DNER: variants seen among roughly 807,000 people sequenced by gnomAD.
The protein encoded by DNER is delta/notch like EGF repeat containing, also known as delta and Notch-like epidermal growth factor-related receptor.
In DNER, 33 loss-of-function variants were observed where a neutral mutation model predicts 78.2. That is an observed-to-expected ratio of 0.42 (90% CI 0.32 to 0.56). The LOEUF (loss-of-function observed/expected upper bound fraction) is 0.56, where lower values mean the gene tolerates loss of function less well. DNER is among the 20% of genes least tolerant of loss of function. The probability of loss-of-function intolerance (pLI) is 0.11; values close to 1 mark genes in which losing one functional copy is unlikely to be tolerated. For synonymous variants in DNER, 417 were observed against 384.8 expected (o/e 1.08, Z -0.98); for missense variants, 918 against 975.3 (o/e 0.94, Z 0.78).
At chr2:229,386,639 A>C (rs1692872576) in intron 11 of DNER, among the ~76,000 whole-genome samples, 1 of 152,052 alleles carries the variant, frequency 6.6e-6, no homozygotes, top group East Asian at 1.9e-4. Context: ...AAAAAAACAA[A>C]CAACCACATC....
At chr2:229,701,480 A>G (rs181938912) in intron 1 of DNER, among the ~76,000 whole-genome samples, 51 of 152,356 alleles carry the variant, frequency 3.3e-4, no homozygotes, top group African/African-American at 1.2e-3. Context: ...TGAAATTCCA[A>G]TTTAACTGTG....
intron 9 of DNER, among the ~76,000 whole-genome samples, chr2:229,417,590 A>T (rs1693679610): frequency 6.6e-6 from 1 of 151,664 alleles, no homozygotes; most frequent in South Asian, 2.1e-4. Flanking sequence ...TCTCGGGGGG[A>T]TTTAGTGAGC....
At chr2:229,533,963 T>G (rs1055218972) in intron 5 of DNER, among the ~76,000 whole-genome samples, 2 of 152,234 alleles carry the variant, frequency 1.3e-5, no homozygotes, top group East Asian at 1.9e-4. Flanking sequence ...TAAAATGAAA[T>G]GCATCAACAT....
At chr2:229,564,429 T>TCATCATCATCCTCATCCCATCAC (rs1697056036) in intron 4 of DNER, among the ~76,000 whole-genome samples, 2 of 145,774 alleles carry the variant, frequency 1.4e-5, no homozygotes, top group Non-Finnish European at 3.0e-5. Context: ...ATCACCATCA[T>TCATCATCATCCTCATCCCATCAC]CATCATCATC....
rs1377229421 is a variant in DNER at position 229,358,379 on chromosome 2, A to G, written c.*161T>C. 1 of 601,952 alleles carries G rather than the reference A, an allele frequency of 1.7e-6. No homozygotes were observed. The highest frequency in any genetic ancestry group is 2.7e-6 in the Non-Finnish European group (1 of 370,734). 37.3% of individuals were successfully genotyped at this position (601,952 alleles called of 1,614,324 possible). A position where few individuals can be genotyped will look rare whatever the true frequency, so the allele number is the denominator to read the frequency against. On this transcript the variant is annotated 3_prime_UTR_variant, in exon 13 of 13. Coordinates refer to ENST00000341772, the MANE Select transcript of DNER (RefSeq NM_139072.4). ...AGGTTTCACAAATTTTGTTTTTAAA[A>G]TATTTTTTCCAAACTAAAAGCTGCA...
At chr2:229,502,549 T>C (rs995053851) in intron 6 of DNER, among the ~76,000 whole-genome samples, 8 of 152,130 alleles carry the variant, frequency 5.3e-5, no homozygotes, top group Admixed American at 1.3e-4. Flanking sequence ...GAGCTACAAA[T>C]AGGTCTTGAC....
At chr2:229,681,377 G>A (rs564856563) in intron 1 of DNER, among the ~76,000 whole-genome samples, 1 of 152,282 alleles carries the variant, frequency 6.6e-6, no homozygotes, top group East Asian at 1.9e-4. Context: ...TGGACTGGAT[G>A]CACCTGGAAA....
At chr2:229,367,895 T>C (rs1044144609) in intron 11 of DNER, among the ~76,000 whole-genome samples, 1 of 152,222 alleles carries the variant, frequency 6.6e-6, no homozygotes, top group African/African-American at 2.4e-5. Context: ...GCATAAAGCC[T>C]TATGTGTGAA....
intron 6 of DNER, among the ~76,000 whole-genome samples, chr2:229,506,674 C>T (rs1454814064): frequency 6.7e-6 from 1 of 149,558 alleles, no homozygotes; most frequent in Non-Finnish European, 1.5e-5. Flanking sequence ...CCCCCCTCCC[C>T]CTACCCCACC....
At chr2:229,440,573 T>C (rs1021287951) in intron 8 of DNER, among the ~76,000 whole-genome samples, 20 of 152,336 alleles carry the variant, frequency 1.3e-4, no homozygotes, top group African/African-American at 4.6e-4. Context: ...CCTATCTTGA[T>C]GGCTTCCATG....
At chr2:229,656,882 G>A (rs73095334) in intron 1 of DNER, among the ~76,000 whole-genome samples, 1,875 of 151,990 alleles carry the variant, frequency 0.012, 35 homozygotes, top group African/African-American at 0.042. Context: ...AATTAAAATT[G>A]TATATATTTG....
chr2:229,613,413 A>C (rs1698086905), intron 1 of DNER, among the ~76,000 whole-genome samples: 1 of 152,252 alleles, frequency 6.6e-6, no homozygotes, highest in African/African-American at 2.4e-5. Context: ...TGCATTGCGT[A>C]GAAAATAAAA....
chr2:229,622,481 G>C (rs1226960572), intron 1 of DNER, among the ~76,000 whole-genome samples: 1 of 151,956 alleles, frequency 6.6e-6, no homozygotes. Context: ...TCTGCCCTGC[G>C]GGTCTTTGAA....
chr2:229,592,774 T>G (rs1228561669), intron 1 of DNER, among the ~76,000 whole-genome samples: 1 of 152,218 alleles, frequency 6.6e-6, no homozygotes, highest in Non-Finnish European at 1.5e-5. Context: ...AATTAGGATT[T>G]GTTTCTGTGA....
intron 1 of DNER, among the ~76,000 whole-genome samples, chr2:229,638,167 A>ACAATCCTAG (rs1474463227): frequency 6.6e-6 from 1 of 152,228 alleles, no homozygotes; most frequent in African/African-American, 2.4e-5. Context: ...AATCCTAGTC[A>ACAATCCTAG]CAATCCTAGC....
In DNER at chr2:229,525,684, C is replaced by A. The variant is rs1044000679; in HGVS notation, c.994-12748G>T. On this transcript the variant is annotated intron_variant, in intron 5 of 12. Transcript: ENST00000341772. ...CGGGAGTGCAATGGCGTGAACTCGG[C>A]TCACTGCAACCTCCACCTGCCAGGT... Among the ~76,000 whole-genome samples, 98 of 152,292 alleles carry A rather than the reference C, an allele frequency of 6.4e-4. 1 individual carries two copies. The highest frequency in any genetic ancestry group is 1.0e-3 in the Non-Finnish European group (68 of 68,018).
intron 1 of DNER, among the ~76,000 whole-genome samples, chr2:229,674,834 C>G (rs1160902191): frequency 1.3e-5 from 2 of 152,160 alleles, no homozygotes; most frequent in Non-Finnish European, 2.9e-5. Flanking sequence ...TGAAGGAGAG[C>G]CTGTTTCCAA....
intron 5 of DNER, among the ~76,000 whole-genome samples, chr2:229,524,144 A>G (rs1026513773): frequency 1.3e-5 from 2 of 152,244 alleles, no homozygotes; most frequent in African/African-American, 4.8e-5. Flanking sequence ...GAATCCAGCT[A>G]GTCTGATGGC....
At chr2:229,376,589 G>T (rs1692606539) in intron 11 of DNER, among the ~76,000 whole-genome samples, 1 of 152,190 alleles carries the variant, frequency 6.6e-6, no homozygotes, top group East Asian at 1.9e-4. Context: ...AGATGCTAAA[G>T]AATGGAAATA....
Sources: gnomAD v4.1 joint callset for allele counts (sites outside exome capture counted in the v4.1 genomes callset) on GRCh38, gnomAD v4.1.1 for gene constraint, MANE v1.5 for transcripts, NCBI Gene and HGNC (gene_info 2026-07-23, HGNC 2026-07-21) for gene names.